Variants in SART1 observed in about 807,000 individuals in gnomAD.
SART1 encodes spliceosome associated factor 1, recruiter of U4/U6.U5 tri-snRNP.
SART1 carries 28 observed loss-of-function variants against 105.0 expected under a neutral mutation model. The ratio of observed to expected loss-of-function variants is 0.27; its 90% CI spans 0.20 to 0.37. SART1 has a LOEUF of 0.37. SART1 is among the 10% of genes least tolerant of loss of function. The pLI is 1.00. For synonymous variants in SART1, 472 were observed against 462.9 expected (o/e 1.02, Z -0.25); for missense variants, 894 against 1,106.5 (o/e 0.81, Z 2.72).
intron 12 of SART1, among the ~76,000 whole-genome samples, chr11:65,973,122 C>G (rs1180387727): frequency 6.6e-6 from 1 of 151,770 alleles, no homozygotes; most frequent in African/African-American, 2.4e-5. Flanking sequence ...TGCAGTGAGC[C>G]GAGATCGCAC....
intron 3 of SART1, 156 bp from the exon 4 acceptor site, chr11:65,964,936 T>C: frequency 2.1e-6 from 2 of 946,030 alleles, no homozygotes; most frequent in Non-Finnish European, 3.0e-6. Flanking sequence ...TGGCCAGGAG[T>C]GTGGGGACGA....
intron 1 of SART1, among the ~76,000 whole-genome samples, chr11:65,963,303 G>A (rs955286003): frequency 2.0e-5 from 3 of 152,054 alleles, no homozygotes; most frequent in African/African-American, 7.3e-5. Flanking sequence ...ACATACCACA[G>A]GAGATCAAGC....
chr11:65,961,740 C>G lies in SART1; in HGVS notation c.-41C>G. 6.8e-7 allele frequency: 1 copy of G among 1,463,342 alleles called. No homozygotes were observed. Among genetic ancestry groups the G allele is most frequent in the Non-Finnish European group, 9.0e-7 (1 of 1,112,900 alleles). 90.6% of individuals were successfully genotyped at this position (1,463,342 alleles called of 1,614,324 possible). A position where few individuals can be genotyped will look rare whatever the true frequency, so the allele number is the denominator to read the frequency against. ...CGGAAGTATTCCCATTTTGCGTTGT[C>G]TGGGCTCGGCGGCAGCCGGGCTCGG... On this transcript the variant is annotated 5_prime_UTR_variant, in exon 1 of 20. Transcript: ENST00000312397.
chr11:65,978,225 C>T lies in SART1; in HGVS notation c.2172+326C>T. ...CGCAGGGCCATTCCAGCGTCCAGGCCCTTCCAGCACTCTCGTAGGCCGCCC... is the reference window on the plus strand; with the variant it reads ...CGCAGGGCCATTCCAGCGTCCAGGCTCTTCCAGCACTCTCGTAGGCCGCCC... On this transcript the variant is annotated intron_variant, in intron 17 of 19. Coordinates refer to ENST00000312397, the MANE Select transcript of SART1 (RefSeq NM_005146.5). This position sits in a 1 kb window ranked among gnomAD's most constrained non-coding sequence, Gnocchi z 6.8. The T allele has an allele frequency of 2.0e-6, 1 of 498,950 alleles. No homozygotes were observed. The highest frequency in any genetic ancestry group is 2.2e-5 in the South Asian group (1 of 45,780). The allele number at this position is 498,950 out of a possible 1,614,324, so 30.9% of individuals were successfully genotyped here.
intron 1 of SART1, among the ~76,000 whole-genome samples, chr11:65,962,492 G>C (rs1249463186): frequency 2.0e-5 from 3 of 152,218 alleles, no homozygotes; most frequent in Non-Finnish European, 4.4e-5. Context: ...CATATACAGA[G>C]GCAAGAAAAA....
At chr11:65,965,250 A>G in intron 4 of SART1, 32 bp downstream of exon 4, 1 of 1,607,180 alleles carries the variant, frequency 6.2e-7, no homozygotes, top group Non-Finnish European at 8.5e-7. Context: ...AGGCAAGGGA[A>G]GGGCTGGGGA....
Position 65,976,776 on chromosome 11 carries a change from G to A in SART1, c.1857+10G>A, listed in dbSNP as rs622779. 0.17 allele frequency: 270,969 copies of A among 1,593,184 alleles called. 24,244 individuals carry two copies. Among genetic ancestry groups the A allele is most frequent in the Middle Eastern group, 0.25 (1,277 of 5,022 alleles). ...GAAGCAGCAGCAGGATGTGAGGGCC[G>A]CGCCGCTGGGGGGTGGGCGTTTGGG... On this transcript the variant is annotated intron_variant, in intron 14 of 19. Transcript: ENST00000312397. The surrounding 1 kb of genome is among the most constrained non-coding windows in gnomAD (Gnocchi z 5.1).
In SART1 at chr11:65,976,489, C is replaced by T. The variant is rs756007683; in HGVS notation, c.1667C>T (p.Thr556Met). ...ERKGAIVFNA[T>M]SEFCRTLGEI... ...AAGGGGGCCATCGTGTTCAACGCCA[C>T]GTCCGAGTTCTGCCGCACCTTGGGG... The change falls in exon 13 of 20, where the codon ACG (threonine) becomes ATG (methionine). Residue 556 changes from threonine (T) to methionine (M), a missense_variant. Physicochemically the swap from Thr to Met is moderately conservative, Grantham distance 81. Transcript: ENST00000312397. This position sits in a 1 kb window ranked among gnomAD's most constrained non-coding sequence, Gnocchi z 5.1. 1.3e-5 allele frequency: 20 copies of T among 1,580,672 alleles called. No homozygotes were observed. Among genetic ancestry groups the T allele is most frequent in the Admixed American group, 1.8e-5 (1 of 55,336 alleles).
At chr11:65,975,132 ATTGCTCTG>A (rs1415791337) in intron 12 of SART1, among the ~76,000 whole-genome samples, 1 of 134,920 alleles carries the variant, frequency 7.4e-6, no homozygotes, top group African/African-American at 2.9e-5. Context: ...GAGACAGGGT[ATTGCTCTG>A]TTGCCCAGGC....
At chr11:65,971,721 A>G in intron 12 of SART1, among the ~76,000 whole-genome samples, 1 of 151,968 alleles carries the variant, frequency 6.6e-6, no homozygotes, top group Non-Finnish European at 1.5e-5. Context: ...AGGAGGGACA[A>G]GGCAGTTAAG....
chr11:65,976,911 A>AT lies in SART1; in HGVS notation c.1858-101dup, dbSNP rs769899656. On this transcript the variant is annotated intron_variant, in intron 14 of 19. Transcript: ENST00000312397. This position sits in a 1 kb window ranked among gnomAD's most constrained non-coding sequence, Gnocchi z 5.1. ...GGCGATCTGAGGAGTAAATGAGGAA[A>AT]TTAAATGTTGTGGAGGGCTGGTGCC... 6.6e-5 allele frequency: 78 copies of AT among 1,178,738 alleles called. No homozygotes were observed. Among genetic ancestry groups the AT allele is most frequent in the Non-Finnish European group, 9.2e-5 (74 of 802,420 alleles). The allele number at this position is 1,178,738 out of a possible 1,614,324, so 73.0% of individuals were successfully genotyped here.
chr11:65,967,988 C>T (rs148535660), intron 12 of SART1, among the ~76,000 whole-genome samples, 167 bp downstream of exon 12: 236 of 137,744 alleles, frequency 1.7e-3, no homozygotes, highest in African/African-American at 6.1e-3. Context: ...TTCGCTCTTT[C>T]GCCCAGGCTG....
chr11:65,975,407 A>G (rs1387881422), intron 12 of SART1, among the ~76,000 whole-genome samples: 11 of 127,304 alleles, frequency 8.6e-5, no homozygotes, highest in African/African-American at 3.1e-4. Context: ...GGCCCCTGGA[A>G]GAATTTTTTT....
chr11:65,966,555 T>C lies in SART1; in HGVS notation c.1187T>C (p.Met396Thr). The C allele has an allele frequency of 6.6e-7, 1 of 1,518,944 alleles. No individual in the cohort carries two copies. The highest frequency in any genetic ancestry group is 1.3e-5 in the South Asian group (1 of 75,770). The allele number at this position is 1,518,944 out of a possible 1,614,324, so 94.1% of individuals were successfully genotyped here. A position where few individuals can be genotyped will look rare whatever the true frequency, so the allele number is the denominator to read the frequency against. ...TCCGAATACCTCACGCCTGAGGAGA[T>C]GGTGAGCCCTCCCGTGCCTTATACT... ...LASEYLTPEE[M>T]VTFKKTKRRV... The change falls in exon 9 of 20, where the codon ATG becomes ACG. Residue 396 changes from methionine to threonine, a missense_variant and splice_region_variant. Physicochemically the swap from Met to Thr is moderately conservative, Grantham distance 81 (BLOSUM62 -1). Coordinates refer to ENST00000312397, the MANE Select transcript of SART1 (RefSeq NM_005146.5).
At chr11:65,962,130 C>A in intron 1 of SART1, 37 bp downstream of exon 1, 3 of 111,088 alleles carry the variant, frequency 2.7e-5, no homozygotes, top group Non-Finnish European at 4.9e-5. Flanking sequence ...GCGGGTCGGG[C>A]GGGGGTCCCG....
intron 12 of SART1, 128 bp downstream of exon 12, chr11:65,967,949 G>GT (rs35216160): frequency 7.4e-3 from 3,104 of 418,900 alleles, no homozygotes; most frequent in South Asian, 0.011. Context: ...TTCTGGGTTT[G>GT]TTTTTTTTTT....
In SART1 at chr11:65,976,376, C is replaced by G; in HGVS notation, c.1573-19C>G. ...CCCCAGAAACTGCTGGGTTTGCCCA[C>G]AGCCGCTCCCTCCCCCAGGTGGTGG... On this transcript the variant is annotated intron_variant, in intron 12 of 19. Transcript: ENST00000312397. This position sits in a 1 kb window ranked among gnomAD's most constrained non-coding sequence, Gnocchi z 5.1. 2 of 1,514,732 alleles carry G rather than the reference C, an allele frequency of 1.3e-6. No individual in the cohort carries two copies. The highest frequency in any genetic ancestry group is 1.8e-6 in the Non-Finnish European group (2 of 1,135,430). 93.8% of individuals were successfully genotyped at this position (1,514,732 alleles called of 1,614,324 possible). A position where few individuals can be genotyped will look rare whatever the true frequency, so the allele number is the denominator to read the frequency against.
At chr11:65,972,981 C>T (rs528996460) in intron 12 of SART1, among the ~76,000 whole-genome samples, 32 of 152,152 alleles carry the variant, frequency 2.1e-4, no homozygotes, top group Admixed American at 1.4e-3. Flanking sequence ...CCATCCTGGT[C>T]AACACAGTGA....
chr11:65,965,346 A>G lies in SART1; in HGVS notation c.559A>G (p.Ile187Val). Reference protein sequence around the residue: ...KRLLNQKLGKIKTLGEDDPWL... With the variant: ...KRLLNQKLGKVKTLGEDDPWL... ...ATCACTTTTTCCCCTCTTCAGGAAG[A>G]TAAAGACCCTAGGAGAGGATGACCC... Residue 187 changes from isoleucine (I) to valine (V), a missense_variant, in exon 5 of 20, where the codon ATA (isoleucine) becomes GTA (valine). Physicochemically the swap from Ile to Val is conservative, Grantham distance 29. Transcript: ENST00000312397. The G allele has an allele frequency of 6.3e-7, 1 of 1,593,010 alleles. No individual in the cohort carries two copies. The highest frequency in any genetic ancestry group is 8.5e-7 in the Non-Finnish European group (1 of 1,169,746).
Sources: gnomAD v4.1 joint callset for allele counts (sites outside exome capture counted in the v4.1 genomes callset) on GRCh38, gnomAD v4.1.1 for gene constraint, Gnocchi (gnomAD v3.1) non-coding constraint, MANE v1.5 for transcripts, NCBI Gene and HGNC (gene_info 2026-07-23, HGNC 2026-07-21) for gene names.